The following TRMT11 variants were observed in gnomAD, a reference collection of about 807,000 sequenced individuals.
The protein encoded by TRMT11 is tRNA (guanine(10)-N(2))-methyltransferase TRMT11.
Under a neutral mutation model 62.8 loss-of-function variants are expected in TRMT11, and 53 were observed. The ratio of observed to expected loss-of-function variants is 0.84; its 90% CI spans 0.68 to 1.06. The LOEUF (loss-of-function observed/expected upper bound fraction) is 1.06. Among genes scored for constraint, TRMT11 ranks in the 50% least tolerant of loss-of-function variants. The probability of loss-of-function intolerance (pLI) is 0.00; values close to 1 mark genes in which losing one functional copy is unlikely to be tolerated. For synonymous variants in TRMT11, 188 were observed against 190.3 expected, an observed-to-expected ratio of 0.99 and a Z score of 0.10; for missense variants, 556 against 553.4, an observed-to-expected ratio of 1.00 and a Z score of -0.05.
At chr6:126,269,263 CAAAA>C in the TRMT11 span, among the ~76,000 whole-genome samples, 1 of 68,866 alleles carries the variant, frequency 1.5e-5, no homozygotes, top group African/African-American at 6.7e-5. Context: ...GACTCCGTCT[CAAAA>C]AAAAAAAAAA....
intron 17 of TRMT11, among the ~76,000 whole-genome samples, chr6:126,105,594 G>GTT (rs1252090560): frequency 2.1e-5 from 3 of 140,960 alleles, no homozygotes; most frequent in Admixed American, 7.1e-5. Flanking sequence ...CTTTAAGATT[G>GTT]TTTTTTTTTT....
chr6:126,240,107 C>T, the TRMT11 span, among the ~76,000 whole-genome samples: 8 of 152,238 alleles, frequency 5.3e-5, no homozygotes, highest in East Asian at 3.9e-4. Flanking sequence ...GTTAGCCATT[C>T]GTCTAATCTT....
At chr6:126,252,496 T>G in the TRMT11 span, among the ~76,000 whole-genome samples, 9 of 152,170 alleles carry the variant, frequency 5.9e-5, no homozygotes, top group Non-Finnish European at 1.3e-4. Flanking sequence ...TCCAACATAC[T>G]TTATTGGTTA....
chr6:126,269,163 C>T, the TRMT11 span, among the ~76,000 whole-genome samples: 1 of 146,654 alleles, frequency 6.8e-6, no homozygotes, highest in Non-Finnish European at 1.5e-5. Flanking sequence ...ACTTGGGAGG[C>T]TGAGGCAGGA....
chr6:126,103,746 A>G (rs909999798), intron 17 of TRMT11, among the ~76,000 whole-genome samples: 1 of 152,140 alleles, frequency 6.6e-6, no homozygotes, highest in African/African-American at 2.4e-5. Flanking sequence ...CAAAATGGCA[A>G]TTTTCTTCTT....
At chr6:126,236,982 C>A in the TRMT11 span, among the ~76,000 whole-genome samples, 1 of 151,994 alleles carries the variant, frequency 6.6e-6, no homozygotes, top group African/African-American at 2.4e-5. Context: ...TTTCTGCTTC[C>A]ATCTAACATG....
At chr6:126,093,585 G>GTGTATATATATATATA (rs1313520779) in intron 17 of TRMT11, among the ~76,000 whole-genome samples, 4 of 46,688 alleles carry the variant, frequency 8.6e-5, no homozygotes, top group Non-Finnish European at 1.1e-4. Context: ...GGATATGTAT[G>GTGTATATATATATATA]TATATATATA....
At chr6:126,035,567 G>A (rs1775031970) in intron 12 of TRMT11, among the ~76,000 whole-genome samples, 1 of 152,076 alleles carries the variant, frequency 6.6e-6, no homozygotes, top group Non-Finnish European at 1.5e-5. Context: ...CATTTCTAAG[G>A]TTAATGATCT....
chr6:126,182,513 C>A (rs1420628845), intron 1 of TRMT11, among the ~76,000 whole-genome samples: 1 of 151,754 alleles, frequency 6.6e-6, no homozygotes, highest in African/African-American at 2.4e-5. Context: ...TTTTTGAGGA[C>A]CCCTTTTTGT....
At chr6:126,024,654 G>C (rs1030534631) in intron 12 of TRMT11, among the ~76,000 whole-genome samples, 7 of 152,154 alleles carry the variant, frequency 4.6e-5, no homozygotes, top group Non-Finnish European at 8.8e-5. Flanking sequence ...TTGAGGGTTA[G>C]GGCCTTAACA....
At chr6:125,987,480 G>A (rs1562226001) in intron 1 of TRMT11, among the ~76,000 whole-genome samples, 1 of 152,206 alleles carries the variant, frequency 6.6e-6, no homozygotes, top group Non-Finnish European at 1.5e-5. Context: ...GTACCCTGGA[G>A]CTTGGAAGGG....
chr6:126,081,483 C>G (rs1334436095), intron 17 of TRMT11, among the ~76,000 whole-genome samples: 1 of 152,050 alleles, frequency 6.6e-6, no homozygotes, highest in Non-Finnish European at 1.5e-5. Flanking sequence ...GCATCAGATG[C>G]CTTAGTAAGA....
At chr6:126,063,808 T>A (rs891178294) in intron 17 of TRMT11, among the ~76,000 whole-genome samples, 1 of 152,214 alleles carries the variant, frequency 6.6e-6, no homozygotes, top group African/African-American at 2.4e-5. Context: ...CAAAAGCTTT[T>A]ACAGCCCAGG....
chr6:126,172,834 A>G (rs1393260631), upstream of TRMT11, among the ~76,000 whole-genome samples: 2 of 152,208 alleles, frequency 1.3e-5, no homozygotes, highest in Non-Finnish European at 2.9e-5. Context: ...GCAAGATCAG[A>G]GAAAATGTAG....
chr6:126,062,895 C>T lies in TRMT11; in HGVS notation c.*1437+9705C>T, dbSNP rs181934466. On this transcript the variant is annotated intron_variant and NMD_transcript_variant, in intron 17 of 22. Transcript: ENST00000648977. ...GAACAACTAACATATAGCTCCTATC[C>T]TATTTTCAAAATGCTTTTGGAAAAG... 4.5e-4 allele frequency among the ~76,000 whole-genome samples: 68 copies of T among 152,258 alleles called. 1 individual carries two copies. In the East Asian group the frequency reaches 0.012, roughly 28 times the overall value.
chr6:126,228,010 G>A, the TRMT11 span, among the ~76,000 whole-genome samples: 2 of 152,192 alleles, frequency 1.3e-5, no homozygotes, highest in African/African-American at 4.8e-5. Flanking sequence ...TTTCTCTCCA[G>A]ATCTGTTTTT....
At chr6:126,193,033 A>G (rs925875899) in intron 1 of TRMT11, among the ~76,000 whole-genome samples, 1 of 152,188 alleles carries the variant, frequency 6.6e-6, no homozygotes, top group African/African-American at 2.4e-5. Flanking sequence ...AATGCCTGGT[A>G]AAATTCAGCA....
intron 21 of TRMT11, among the ~76,000 whole-genome samples, chr6:126,171,794 C>T (rs1778332522): frequency 6.6e-6 from 1 of 151,870 alleles, no homozygotes; most frequent in South Asian, 2.1e-4. Context: ...TCTCGGCTCA[C>T]TGCAACTTCT....
At chr6:126,231,668 T>C in the TRMT11 span, among the ~76,000 whole-genome samples, 1 of 152,196 alleles carries the variant, frequency 6.6e-6, no homozygotes, top group Non-Finnish European at 1.5e-5. Context: ...GCCCCTGTTA[T>C]GTTTTGAAAG....
Sources: gnomAD v4.1 joint callset for allele counts (sites outside exome capture counted in the v4.1 genomes callset) on GRCh38, gnomAD v4.1.1 for gene constraint, MANE v1.5 for transcripts, NCBI Gene and HGNC (gene_info 2026-07-23, HGNC 2026-07-21) for gene names.